The following GABRB1 variants were observed in gnomAD, a reference collection of about 807,000 sequenced individuals.
GABRB1 encodes the protein gamma-aminobutyric acid receptor subunit beta-1.
A neutral mutation model predicts 51.6 loss-of-function variants in GABRB1; 17 were observed. The observed-to-expected ratio is 0.33, with a 90% CI of 0.23 to 0.49. The LOEUF is 0.49. Ranked by LOEUF, GABRB1 falls within the 20% of genes least tolerant of loss-of-function variation. The pLI, the probability that GABRB1 is intolerant of heterozygous loss-of-function variation, is 0.99. For synonymous variants in GABRB1, 247 were observed against 218.9 expected (o/e 1.13, Z -1.14); for missense variants, 410 against 600.6 (o/e 0.68, Z 3.32).
rs1230376698 is a variant in GABRB1 at position 47,169,200 on chromosome 4, T to C, written c.461+7731T>C. Among the ~76,000 whole-genome samples, 4 of 152,300 alleles carry C rather than the reference T, an allele frequency of 2.6e-5. No homozygotes were observed. The Middle Eastern group carries it at 0.01, about 389-fold the overall frequency. On this transcript the variant is annotated intron_variant, in intron 4 of 8. Coordinates refer to ENST00000295454, the MANE Select transcript of GABRB1 (RefSeq NM_000812.4). The stretch of plus-strand genomic sequence containing the variant: ...GCATTTGCAAAATGGAGATATTCTA[T>C]CATCTCTTCTTTATTTATGAACTAT...
intron 1 of GABRB1, among the ~76,000 whole-genome samples, chr4:47,016,271 T>A (rs1002947762): frequency 7.2e-5 from 11 of 152,196 alleles, no homozygotes; most frequent in African/African-American, 2.7e-4. Context: ...AAAAATTCTT[T>A]AGAAAATGCT....
At chr4:47,153,309 T>C (rs1717546646) in intron 3 of GABRB1, among the ~76,000 whole-genome samples, 1 of 152,054 alleles carries the variant, frequency 6.6e-6, no homozygotes, top group Admixed American at 6.6e-5. Context: ...CTAGAAAACT[T>C]TCCCTACTTC....
chr4:47,070,396 G>A (rs1379784571), intron 3 of GABRB1, among the ~76,000 whole-genome samples: 2 of 150,088 alleles, frequency 1.3e-5, no homozygotes, highest in Non-Finnish European at 3.0e-5. Context: ...CAATGGTGTG[G>A]TCTCACCTGA....
At chr4:47,360,328 C>G (rs985202622) in intron 5 of GABRB1, among the ~76,000 whole-genome samples, 1 of 151,290 alleles carries the variant, frequency 6.6e-6, no homozygotes, top group African/African-American at 2.4e-5. Flanking sequence ...TTTTTTTAAA[C>G]AATTGATGAC....
At chr4:47,280,960 T>C (rs1274644707) in intron 4 of GABRB1, among the ~76,000 whole-genome samples, 2 of 152,106 alleles carry the variant, frequency 1.3e-5, no homozygotes, top group East Asian at 3.9e-4. Context: ...GCCTTCCCTT[T>C]ATTTTTGAAG....
At chr4:47,169,922 T>A (rs781183865) in intron 4 of GABRB1, among the ~76,000 whole-genome samples, 20 of 152,136 alleles carry the variant, frequency 1.3e-4, no homozygotes, top group Non-Finnish European at 2.4e-4. Context: ...GTATGGTGAT[T>A]TCACTGCTCA....
intron 5 of GABRB1, among the ~76,000 whole-genome samples, chr4:47,365,045 CA>C (rs1051997407): frequency 5.9e-5 from 9 of 152,306 alleles, no homozygotes; most frequent in Admixed American, 5.2e-4. Flanking sequence ...AACAGGGAAA[CA>C]AAAGGAATAG....
intron 5 of GABRB1, among the ~76,000 whole-genome samples, chr4:47,369,151 C>T (rs1727097269): frequency 6.6e-6 from 1 of 152,066 alleles, no homozygotes; most frequent in Non-Finnish European, 1.5e-5. Context: ...TGTATTAAAA[C>T]AAAATTGACT....
At chr4:47,350,301 A>C (rs1210434049) in intron 5 of GABRB1, among the ~76,000 whole-genome samples, 1 of 147,770 alleles carries the variant, frequency 6.8e-6, no homozygotes, top group South Asian at 2.1e-4. Flanking sequence ...AGAGAGAGAG[A>C]GCTGGCTTTT....
chr4:47,321,383 G>T (rs1359643101), intron 5 of GABRB1, among the ~76,000 whole-genome samples: 1 of 152,108 alleles, frequency 6.6e-6, no homozygotes, highest in Non-Finnish European at 1.5e-5. Context: ...TGTTAATGTA[G>T]ATATAATTAC....
At chr4:47,074,655 T>C (rs758704309) in intron 3 of GABRB1, among the ~76,000 whole-genome samples, 6 of 152,132 alleles carry the variant, frequency 3.9e-5, no homozygotes, top group Non-Finnish European at 8.8e-5. Context: ...ATGCACAACA[T>C]GCTAAAAGGG....
At chr4:47,116,244 A>G (rs1173401743) in intron 3 of GABRB1, among the ~76,000 whole-genome samples, 1 of 151,874 alleles carries the variant, frequency 6.6e-6, no homozygotes, top group Non-Finnish European at 1.5e-5. Flanking sequence ...CCTAGGAATT[A>G]TTTTTCTGTT....
chr4:47,418,991 T>C (rs997519435), intron 8 of GABRB1, among the ~76,000 whole-genome samples: 3 of 152,208 alleles, frequency 2.0e-5, no homozygotes, highest in African/African-American at 7.2e-5. Flanking sequence ...AATCACAAAC[T>C]GGTCATATTT....
intron 4 of GABRB1, among the ~76,000 whole-genome samples, chr4:47,305,434 C>A (rs1333344852): frequency 6.6e-6 from 1 of 152,064 alleles, no homozygotes; most frequent in Non-Finnish European, 1.5e-5. Flanking sequence ...TGTCTTCTTT[C>A]TTCTTTAGAA....
Position 47,041,522 on chromosome 4 carries a change from A to C in GABRB1, c.240+9038A>C, listed in dbSNP as rs149381527. Among the ~76,000 whole-genome samples, 549 of 152,184 alleles carry C rather than the reference A, an allele frequency of 3.6e-3. 2 individuals carry two copies. The highest frequency in any genetic ancestry group is 0.013 in the African/African-American group (539 of 41,524). On this transcript the variant is annotated intron_variant, in intron 3 of 8. Transcript: ENST00000295454. ...GATATATCAGGAAAAATTAGAGGTT[A>C]GATGCCTTGACTCTTGTTGCTAAAT...
At chr4:47,203,014 C>A (rs1293421320) in intron 4 of GABRB1, among the ~76,000 whole-genome samples, 1 of 152,140 alleles carries the variant, frequency 6.6e-6, no homozygotes, top group Non-Finnish European at 1.5e-5. Context: ...GAAATGAAGA[C>A]TCTACTGCCT....
chr4:47,355,108 C>T (rs1726516775), intron 5 of GABRB1, among the ~76,000 whole-genome samples: 1 of 150,520 alleles, frequency 6.6e-6, no homozygotes, highest in African/African-American at 2.4e-5. Context: ...GCCTCAGCCT[C>T]CCAAGTAGCT....
chr4:47,256,953 A>G lies in GABRB1; in HGVS notation c.462-63174A>G, dbSNP rs368283649. ...GCCCTACTTTACAGATGAGGAAACTATGGCTCACAGGTTATATCATTTACT... is the reference window on the plus strand; with the variant it reads ...GCCCTACTTTACAGATGAGGAAACTGTGGCTCACAGGTTATATCATTTACT... On this transcript the variant is annotated intron_variant, in intron 4 of 8. Coordinates refer to ENST00000295454, the MANE Select transcript of GABRB1 (RefSeq NM_000812.4). Among the ~76,000 whole-genome samples the G allele has an allele frequency of 2.6e-5, 4 of 152,310 alleles. No homozygotes were observed. In the East Asian group the frequency reaches 7.7e-4, roughly 29 times the overall value.
chr4:47,400,055 A>G (rs1728324925), intron 5 of GABRB1, among the ~76,000 whole-genome samples: 1 of 152,210 alleles, frequency 6.6e-6, no homozygotes, highest in Admixed American at 6.5e-5. Flanking sequence ...CTATTCATAT[A>G]TTAGATCTCC....
Sources: gnomAD v4.1 joint callset for allele counts (sites outside exome capture counted in the v4.1 genomes callset) on GRCh38, gnomAD v4.1.1 for gene constraint, MANE v1.5 for transcripts, NCBI Gene and HGNC (gene_info 2026-07-23, HGNC 2026-07-21) for gene names.